The following HTR7 variants were observed in gnomAD, a reference collection of about 807,000 sequenced individuals.
HTR7 encodes 5-hydroxytryptamine receptor 7.
A neutral mutation model predicts 34.0 loss-of-function variants in HTR7; 16 were observed. The ratio of observed to expected loss-of-function variants is 0.47; its 90% CI spans 0.32 to 0.71. HTR7 has a LOEUF of 0.71. Ranked by LOEUF, HTR7 falls within the 30% of genes least tolerant of loss-of-function variation. The pLI is 0.04. For missense variants in HTR7, 504 were observed against 625.5 expected (o/e 0.81, Z 2.07); for synonymous variants, 265 against 260.2 (o/e 1.02, Z -0.18).
chr10:90,749,609 G>A lies in HTR7; in HGVS notation c.540-15C>T, dbSNP rs746260618. The stretch of plus-strand genomic sequence containing the variant: ...TCCCAAGGTACCTAGTGGAGAGATG[G>A]AAAGATAACAGATGAACACCGTGAT... On this transcript the variant is annotated splice_polypyrimidine_tract_variant and intron_variant, in intron 1 of 3. Transcript: ENST00000336152. The surrounding 1 kb of genome is among the most constrained non-coding windows in gnomAD (Gnocchi z 4.2). The A allele has an allele frequency of 4.0e-5, 63 of 1,591,724 alleles. No homozygotes were observed. Among genetic ancestry groups the A allele is most frequent in the Non-Finnish European group, 3.2e-5 (37 of 1,167,506 alleles).
intron 1 of HTR7, among the ~76,000 whole-genome samples, chr10:90,758,881 T>C (rs531080470): frequency 1.1e-4 from 17 of 152,154 alleles, no homozygotes; most frequent in African/African-American, 3.9e-4. Flanking sequence ...TCTAGAAAGA[T>C]TGAGTGTATA....
intron 1 of HTR7, among the ~76,000 whole-genome samples, chr10:90,803,780 G>T (rs1034466484): frequency 1.3e-5 from 2 of 152,172 alleles, no homozygotes; most frequent in Admixed American, 1.3e-4. Flanking sequence ...CTGCTTTGGA[G>T]ATACTTTGTG....
chr10:90,779,706 C>G (rs1410412644), intron 1 of HTR7, among the ~76,000 whole-genome samples: 19 of 152,144 alleles, frequency 1.2e-4, no homozygotes, highest in Admixed American at 4.6e-4. Context: ...GTTAAATGAT[C>G]TCACCCAGAA....
At chr10:90,764,684 G>T (rs932951513) in intron 1 of HTR7, among the ~76,000 whole-genome samples, 1 of 151,924 alleles carries the variant, frequency 6.6e-6, no homozygotes, top group African/African-American at 2.4e-5. Context: ...AATTAGTATG[G>T]CTAGGACTTC....
chr10:90,834,461 C>A (rs541368116), intron 1 of HTR7, among the ~76,000 whole-genome samples: 9 of 152,156 alleles, frequency 5.9e-5, no homozygotes, highest in African/African-American at 1.9e-4. Context: ...CAAAACCTTG[C>A]GGCTTAAACC....
intron 2 of HTR7, among the ~76,000 whole-genome samples, chr10:90,747,333 G>C (rs1844656075): frequency 6.6e-6 from 1 of 152,168 alleles, no homozygotes; most frequent in South Asian, 2.1e-4. Context: ...AAATCCTAAT[G>C]GTCAGTTCAA....
At chr10:90,742,979 C>T (rs549365218) in intron 3 of HTR7, among the ~76,000 whole-genome samples, 275 of 152,260 alleles carry the variant, frequency 1.8e-3, no homozygotes, top group African/African-American at 5.9e-3. Context: ...TTCTCTCCCT[C>T]GTTCCTAGAT....
rs1260277848 is a variant in HTR7, at chr10:90,857,811, GC to G, written c.-141del. ...CGCGCCGACCGCTGGGGGGCGCCTG[GC>G]TCTGTCTCGGAGCCCCGCACTCCCC... is the stretch of plus-strand genomic sequence containing the variant. On this transcript the variant is annotated 5_prime_UTR_variant, in exon 1 of 4. Transcript: ENST00000336152. The surrounding 1 kb of genome is among the most constrained non-coding windows in gnomAD (Gnocchi z 6.5). 9 of 813,626 alleles carry G rather than the reference GC, an allele frequency of 1.1e-5. No individual in the cohort carries two copies. The Admixed American group carries it at 1.3e-4, about 12-fold the overall frequency. 50.4% of individuals were successfully genotyped at this position (813,626 alleles called of 1,614,324 possible).
intron 1 of HTR7, among the ~76,000 whole-genome samples, chr10:90,834,017 G>A (rs531477889): frequency 6.6e-6 from 1 of 152,280 alleles, no homozygotes; most frequent in South Asian, 2.1e-4. Context: ...GGTACACTAA[G>A]AAATTACAAG....
chr10:90,853,811 GCTT>G (rs1846537428), intron 1 of HTR7, among the ~76,000 whole-genome samples: 2 of 152,170 alleles, frequency 1.3e-5, no homozygotes, highest in Admixed American at 1.3e-4. Context: ...GACCATTCTT[GCTT>G]CTTCTTAGGG....
At chr10:90,828,584 A>G (rs749961300) in intron 1 of HTR7, among the ~76,000 whole-genome samples, 14 of 152,152 alleles carry the variant, frequency 9.2e-5, no homozygotes, top group Non-Finnish European at 1.9e-4. Flanking sequence ...ACTAAATTGG[A>G]AAACCTAGAA....
intron 1 of HTR7, among the ~76,000 whole-genome samples, chr10:90,780,440 G>A (rs1017863779): frequency 6.6e-6 from 1 of 151,624 alleles, no homozygotes; most frequent in Non-Finnish European, 1.5e-5. Flanking sequence ...GGGAGGCTGA[G>A]GTAGGAGAAT....
At chr10:90,850,961 T>C (rs1436781087) in intron 1 of HTR7, among the ~76,000 whole-genome samples, 1 of 152,172 alleles carries the variant, frequency 6.6e-6, no homozygotes, top group Non-Finnish European at 1.5e-5. Context: ...AGTAGTAGTG[T>C]TTGACGAGAT....
rs1423839984 is a variant in HTR7, at chr10:90,770,658, T to G, written c.540-21064A>C. Among the ~76,000 whole-genome samples the G allele has an allele frequency of 2.0e-5, 3 of 152,160 alleles. No homozygotes were observed. In the East Asian group the frequency reaches 5.8e-4, roughly 29 times the overall value. On this transcript the variant is annotated intron_variant, in intron 1 of 3. Transcript: ENST00000336152. Reference sequence around the variant, plus strand: ...GGACAGCACTGACATGCCAGCCCCCTGTCGCCCTGGCCCTCTCTAGACATT... The same window carrying G: ...GGACAGCACTGACATGCCAGCCCCCGGTCGCCCTGGCCCTCTCTAGACATT...
At chr10:90,795,850 A>G (rs116123912) in intron 1 of HTR7, among the ~76,000 whole-genome samples, 2,460 of 152,212 alleles carry the variant, frequency 0.016, 83 homozygotes, top group African/African-American at 0.055. Context: ...GTGGGGGTTG[A>G]GGGGTGTTTC....
At chr10:90,824,917 C>T (rs1846046214) in intron 1 of HTR7, among the ~76,000 whole-genome samples, 1 of 152,212 alleles carries the variant, frequency 6.6e-6, no homozygotes, top group East Asian at 1.9e-4. Flanking sequence ...TGGGGAACTC[C>T]ACTCCCTGAA....
In HTR7 at chr10:90,825,038, G is replaced by A. The variant is rs553723418; in HGVS notation, c.539+32095C>T. Among the ~76,000 whole-genome samples the A allele has an allele frequency of 5.9e-5, 9 of 152,322 alleles. No individual in the cohort carries two copies. The East Asian group carries it at 1.7e-3, about 29-fold the overall frequency. ...CAGTGGGCCTTGGGCAAGACTCAGT[G>A]TTTTGACCCAGGGCAGTCCCAGTGG... On this transcript the variant is annotated intron_variant, in intron 1 of 3. Coordinates refer to ENST00000336152, the MANE Select transcript of HTR7 (RefSeq NM_019859.4).
chr10:90,840,177 T>TCTCACACA (rs1478516123), intron 1 of HTR7, among the ~76,000 whole-genome samples: 8,819 of 136,686 alleles, frequency 0.065, 319 homozygotes, highest in East Asian at 0.14. Flanking sequence ...TCTCTCTCTC[T>TCTCACACA]CACACACACA....
chr10:90,823,677 T>TA (rs1365639389), intron 1 of HTR7, among the ~76,000 whole-genome samples: 1 of 152,186 alleles, frequency 6.6e-6, no homozygotes, highest in East Asian at 1.9e-4. Flanking sequence ...AGCAGAATGA[T>TA]AGAGTTTGGC....
Sources: gnomAD v4.1 joint callset for allele counts (sites outside exome capture counted in the v4.1 genomes callset) on GRCh38, gnomAD v4.1.1 for gene constraint, Gnocchi (gnomAD v3.1) non-coding constraint, MANE v1.5 for transcripts, NCBI Gene and HGNC (gene_info 2026-07-23, HGNC 2026-07-21) for gene names.